The following DISC1 variants were observed in gnomAD, a reference collection of about 807,000 sequenced individuals.
DISC1 encodes DISC1 scaffold protein, also known as disrupted in schizophrenia 1 protein.
Under a neutral mutation model 84.5 loss-of-function variants are expected in DISC1, and 57 were observed. The ratio of observed to expected loss-of-function variants is 0.67; its 90% CI spans 0.55 to 0.84. DISC1 has a LOEUF of 0.84. DISC1 is among the 40% of genes least tolerant of loss of function. DISC1 has a pLI of 0.00. For missense variants in DISC1, 1,000 were observed against 1,057.8 expected (o/e 0.95, Z 0.76); for synonymous variants, 411 against 415.2 (o/e 0.99, Z 0.12).
At chr1:231,917,585 A>G (rs2089726214) in intron 9 of DISC1, among the ~76,000 whole-genome samples, 1 of 152,332 alleles carries the variant, frequency 6.6e-6, no homozygotes, top group African/African-American at 2.4e-5. Context: ...ACATAGAACG[A>G]GTGAGCGCCA....
Position 231,952,105 on chromosome 1 carries a change from A to AG in DISC1, c.1982-6723_1982-6722insG, listed in dbSNP as rs1207403697. Among the ~76,000 whole-genome samples the AG allele has an allele frequency of 2.0e-5, 3 of 150,618 alleles. No individual in the cohort carries two copies. The East Asian group carries it at 5.8e-4, about 29-fold the overall frequency. On this transcript the variant is annotated intron_variant, in intron 9 of 12. Coordinates refer to ENST00000439617, the MANE Select transcript of DISC1 (RefSeq NM_018662.3). ...CTCAATGTCTCAAAAAAAAAAAAAA[A>AG]AAAAAAAAGAAAAGAAAAGAAAGAA...
At chr1:231,784,737 A>C (rs2077701714) in intron 6 of DISC1, among the ~76,000 whole-genome samples, 1 of 152,128 alleles carries the variant, frequency 6.6e-6, no homozygotes, top group Non-Finnish European at 1.5e-5. Flanking sequence ...GCTTGAGTCC[A>C]GCAAACTCTC....
At chr1:231,885,954 A>G (rs1010693120) in intron 9 of DISC1, among the ~76,000 whole-genome samples, 1 of 152,210 alleles carries the variant, frequency 6.6e-6, no homozygotes, top group Admixed American at 6.5e-5. Flanking sequence ...TTTCCTCATC[A>G]TTCTGGAGAC....
chr1:231,828,289 T>G (rs1289360229), intron 9 of DISC1, among the ~76,000 whole-genome samples: 2 of 152,220 alleles, frequency 1.3e-5, no homozygotes, highest in African/African-American at 4.8e-5. Flanking sequence ...GGATCCAGCA[T>G]TCTACTTTGC....
intron 10 of DISC1, among the ~76,000 whole-genome samples, chr1:231,973,659 C>G (rs1048945847): frequency 5.3e-5 from 8 of 152,242 alleles, no homozygotes; most frequent in Admixed American, 1.3e-4. Context: ...TCTGTATTCA[C>G]TGTGTGATCA....
chr1:231,745,455 C>G (rs1025793731), intron 3 of DISC1: 1 of 225,078 alleles, frequency 4.4e-6, no homozygotes. Context: ...CTCCTGACCT[C>G]AAGCAATCCA....
At chr1:231,665,127 G>C (rs2061905797) in intron 1 of DISC1, among the ~76,000 whole-genome samples, 1 of 152,164 alleles carries the variant, frequency 6.6e-6, no homozygotes, top group African/African-American at 2.4e-5. Flanking sequence ...ACAATTAACT[G>C]TATACATAAG....
chr1:231,998,734 G>C (rs1482308103), intron 10 of DISC1, among the ~76,000 whole-genome samples: 3 of 152,190 alleles, frequency 2.0e-5, no homozygotes, highest in Non-Finnish European at 4.4e-5. Context: ...AAAAGTCTAG[G>C]AGGACAGTAT....
chr1:231,881,788 A>G (rs1021588506), intron 9 of DISC1, among the ~76,000 whole-genome samples: 3 of 152,064 alleles, frequency 2.0e-5, no homozygotes, highest in African/African-American at 7.2e-5. Flanking sequence ...TGTTCTCATC[A>G]CACGAGGCTT....
chr1:231,868,175 G>C (rs1312095115), intron 9 of DISC1, among the ~76,000 whole-genome samples: 1 of 152,178 alleles, frequency 6.6e-6, no homozygotes, highest in African/African-American at 2.4e-5. Flanking sequence ...AAAGGAGAGT[G>C]CTCGGTAGCA....
At chr1:231,735,967 T>C (rs2072436739) in intron 3 of DISC1, among the ~76,000 whole-genome samples, 1 of 152,140 alleles carries the variant, frequency 6.6e-6, no homozygotes, top group African/African-American at 2.4e-5. Context: ...CGTGTGTCAC[T>C]GCACTTGGCT....
At chr1:231,780,773 A>G (rs1355240579) in intron 6 of DISC1, among the ~76,000 whole-genome samples, 2 of 93,256 alleles carry the variant, frequency 2.1e-5, no homozygotes, top group Non-Finnish European at 4.3e-5. Context: ...ATGTCCATCA[A>G]TGATAGACTG....
At chr1:231,701,836 T>A (rs928544324) in intron 2 of DISC1, 119 bp from the exon 3 acceptor site, 30 of 855,738 alleles carry the variant, frequency 3.5e-5, no homozygotes, top group East Asian at 1.2e-4. Context: ...GTTTTTTTTT[T>A]AAAAAGAGAA....
At position 232,015,406 on chromosome 1, in the gene DISC1, A is replaced by G. The variant is rs549927951; in HGVS notation, c.2307+6357A>G. On this transcript the variant is annotated intron_variant, in intron 11 of 12. Coordinates refer to ENST00000439617, the MANE Select transcript of DISC1 (RefSeq NM_018662.3). ...CACTGGTGCAGTCTGAGGGATCGAT[A>G]GCAGGATGGCGTCTGCCTGAATGGC... is the stretch of plus-strand genomic sequence containing the variant. 3.9e-5 allele frequency among the ~76,000 whole-genome samples: 6 copies of G among 152,252 alleles called. No individual in the cohort carries two copies. The South Asian group carries it at 1.2e-3, about 32-fold the overall frequency.
chr1:231,786,955 C>T lies in DISC1; in HGVS notation c.1635-8287C>T, dbSNP rs1035554117. 7.5e-4 allele frequency among the ~76,000 whole-genome samples: 114 copies of T among 152,210 alleles called. 1 individual carries two copies. Among genetic ancestry groups the T allele is most frequent in the African/African-American group, 2.6e-3 (110 of 41,540 alleles). On this transcript the variant is annotated intron_variant, in intron 6 of 12. Coordinates refer to ENST00000439617, the MANE Select transcript of DISC1 (RefSeq NM_018662.3). ...AGCTTTGGGTGGCATGTACCTTTGGCGCCCCATTTACCCTTCCCCTCAAGG... is the reference window on the plus strand; with the variant it reads ...AGCTTTGGGTGGCATGTACCTTTGGTGCCCCATTTACCCTTCCCCTCAAGG...
At chr1:231,696,727 C>G (rs1330218040) in intron 2 of DISC1, among the ~76,000 whole-genome samples, 1 of 152,206 alleles carries the variant, frequency 6.6e-6, no homozygotes, top group Non-Finnish European at 1.5e-5. Context: ...TTGTGTGACA[C>G]TTGTCTGCAG....
intron 11 of DISC1, among the ~76,000 whole-genome samples, chr1:232,024,185 A>G (rs1042131031): frequency 3.9e-5 from 6 of 152,098 alleles, no homozygotes; most frequent in Admixed American, 2.6e-4. Flanking sequence ...TTGTGTCCAT[A>G]TGTCCCCACA....
intron 1 of DISC1, among the ~76,000 whole-genome samples, chr1:231,641,120 G>A (rs1419688751): frequency 6.6e-6 from 1 of 152,218 alleles, no homozygotes; most frequent in East Asian, 1.9e-4. Flanking sequence ...AACCAGCAAT[G>A]ACAATCAAGG....
intron 11 of DISC1, among the ~76,000 whole-genome samples, chr1:232,020,917 G>A (rs556490264): frequency 2.0e-4 from 31 of 152,276 alleles, no homozygotes; most frequent in African/African-American, 7.5e-4. Context: ...CCACTGGTTT[G>A]AGAGAACATC....
Sources: gnomAD v4.1 joint callset for allele counts (sites outside exome capture counted in the v4.1 genomes callset) on GRCh38, gnomAD v4.1.1 for gene constraint, MANE v1.5 for transcripts, NCBI Gene and HGNC (gene_info 2026-07-23, HGNC 2026-07-21) for gene names.